Variants in UTS2 observed in about 807,000 individuals in gnomAD.
UTS2 encodes the protein urotensin-2.
Under a neutral mutation model 12.6 loss-of-function variants are expected in UTS2, and 10 were observed. The ratio of observed to expected loss-of-function variants is 0.80; its 90% CI spans 0.49 to 1.35. UTS2 has a LOEUF of 1.35. Ranked by LOEUF, UTS2 falls within the 40% of genes most tolerant of loss-of-function variation. UTS2 has a pLI of 0.00. For missense variants in UTS2, 142 were observed against 143.2 expected, an observed-to-expected ratio of 0.99 and a Z score of 0.04; for synonymous variants, 52 against 50.0, an observed-to-expected ratio of 1.04 and a Z score of -0.17.
chr1:7,903,539 G>A, the UTS2 span, among the ~76,000 whole-genome samples: 1 of 151,694 alleles, frequency 6.6e-6, no homozygotes, highest in South Asian at 2.1e-4. Flanking sequence ...ACAAGTTCCC[G>A]CCACCATCCC....
the UTS2 span, among the ~76,000 whole-genome samples, chr1:7,880,900 C>T: frequency 3.9e-5 from 6 of 152,250 alleles, no homozygotes; most frequent in African/African-American, 1.4e-4. Flanking sequence ...AAATCCTCAA[C>T]AAAATACTAG....
intron 2 of UTS2, 34 bp from the exon 3 acceptor site, chr1:7,849,717 C>T: frequency 6.4e-7 from 1 of 1,574,292 alleles, no homozygotes; most frequent in Non-Finnish European, 8.6e-7. Flanking sequence ...TTCATCAGAT[C>T]TGTTGTTTCT....
At chr1:7,900,749 C>T in the UTS2 span, among the ~76,000 whole-genome samples, 1 of 151,914 alleles carries the variant, frequency 6.6e-6, no homozygotes, top group African/African-American at 2.4e-5. Context: ...CTACTGCACT[C>T]CAACCTGGGC....
chr1:7,912,497 A>G, the UTS2 span, among the ~76,000 whole-genome samples: 1 of 152,126 alleles, frequency 6.6e-6, no homozygotes, highest in Non-Finnish European at 1.5e-5. Flanking sequence ...TCTGTTGCCC[A>G]TGCTGGAGTG....
At chr1:7,850,064 G>T (rs888803447) in intron 2 of UTS2, among the ~76,000 whole-genome samples, 4 of 151,566 alleles carry the variant, frequency 2.6e-5, no homozygotes, top group African/African-American at 9.7e-5. Flanking sequence ...CTGCCTCCTG[G>T]GTTCAAGCAA....
upstream of UTS2, among the ~76,000 whole-genome samples, chr1:7,857,721 G>A (rs2000238): frequency 0.14 from 20,885 of 151,626 alleles, 1,524 homozygotes; most frequent in Middle Eastern, 0.26. Context: ...GAGTAGTTGT[G>A]CACCTGTGGT....
the UTS2 span, among the ~76,000 whole-genome samples, chr1:7,887,762 GAAAAAAAAA>G: frequency 2.4e-5 from 3 of 126,526 alleles, no homozygotes; most frequent in Non-Finnish European, 5.2e-5. Flanking sequence ...TCTCTAAAAG[GAAAAAAAAA>G]AAAAAAAGAT....
chr1:7,849,454 G>A (rs1221240299), intron 3 of UTS2, among the ~76,000 whole-genome samples, 186 bp downstream of exon 3: 4 of 151,918 alleles, frequency 2.6e-5, no homozygotes, highest in African/African-American at 4.8e-5. Flanking sequence ...CAGGTGGTCC[G>A]CCCGCCTCGG....
At chr1:7,901,606 A>ATG in the UTS2 span, among the ~76,000 whole-genome samples, 4,289 of 126,728 alleles carry the variant, frequency 0.034, 115 homozygotes, top group African/African-American at 0.075. Context: ...ATATTCATCT[A>ATG]TGTGTGTGTG....
intron 1 of UTS2, 26 bp from the exon 2 acceptor site, chr1:7,850,948 A>T (rs2097413471): frequency 6.2e-7 from 1 of 1,609,898 alleles, no homozygotes; most frequent in African/African-American, 1.3e-5. Context: ...AGATACTTAG[A>T]ATTGGGTTCA....
chr1:7,876,133 C>T, the UTS2 span, among the ~76,000 whole-genome samples: 1 of 152,222 alleles, frequency 6.6e-6, no homozygotes, highest in Non-Finnish European at 1.5e-5. Flanking sequence ...CTGCTGCCAC[C>T]AGCACCCACA....
At chr1:7,850,714 A>G in intron 2 of UTS2, 98 bp downstream of exon 2, 2 of 1,242,980 alleles carry the variant, frequency 1.6e-6, no homozygotes, top group African/African-American at 1.5e-5. Flanking sequence ...GCTCATCTTT[A>G]TATTCCAAAA....
At chr1:7,858,783 C>T in the UTS2 span, among the ~76,000 whole-genome samples, 1 of 152,138 alleles carries the variant, frequency 6.6e-6, no homozygotes, top group African/African-American at 2.4e-5. Context: ...GGTGTTTCAC[C>T]ATGTTCACCA....
the UTS2 span, among the ~76,000 whole-genome samples, chr1:7,885,059 C>T: frequency 4.0e-5 from 6 of 150,862 alleles, no homozygotes; most frequent in East Asian, 1.2e-3. Context: ...CATTCAGCCA[C>T]TCATCCATTC....
the UTS2 span, among the ~76,000 whole-genome samples, chr1:7,877,969 C>T: frequency 6.6e-6 from 1 of 152,100 alleles, no homozygotes. Context: ...TAGCTTCAAC[C>T]CAAAAAGATC....
the UTS2 span, among the ~76,000 whole-genome samples, chr1:7,900,979 CA>C: frequency 6.6e-6 from 1 of 152,138 alleles, no homozygotes; most frequent in Non-Finnish European, 1.5e-5. Flanking sequence ...GAAAGTCATC[CA>C]GGTCTAAGTT....
At chr1:7,899,990 G>C in the UTS2 span, among the ~76,000 whole-genome samples, 3 of 152,222 alleles carry the variant, frequency 2.0e-5, no homozygotes, top group Non-Finnish European at 4.4e-5. Context: ...CAGAGAGAGC[G>C]AGAGTGTACC....
chr1:7,867,125 C>T, the UTS2 span, among the ~76,000 whole-genome samples: 1 of 152,152 alleles, frequency 6.6e-6, no homozygotes, highest in African/African-American at 2.4e-5. Context: ...CCGCCTCGGC[C>T]TCCCAGAGTG....
the UTS2 span, among the ~76,000 whole-genome samples, chr1:7,862,273 G>C: frequency 6.6e-6 from 1 of 151,904 alleles, no homozygotes; most frequent in Non-Finnish European, 1.5e-5. Context: ...CAGTGGGCCT[G>C]CTGGGCCAGG....
Sources: allele counts gnomAD v4.1 joint callset (sites outside exome capture counted in the v4.1 genomes callset), GRCh38; gene constraint gnomAD v4.1.1; transcripts MANE v1.5; gene names NCBI Gene and HGNC (gene_info 2026-07-23, HGNC 2026-07-21).